EPHA3: variants seen among roughly 807,000 people sequenced by gnomAD.
EPHA3 encodes the protein EPH receptor A3.
Under a neutral mutation model 107.1 loss-of-function variants are expected in EPHA3, and 42 were observed. The observed-to-expected ratio is 0.39, with a 90% CI of 0.31 to 0.51. The LOEUF (loss-of-function observed/expected upper bound fraction) is 0.51, where lower values mean the gene tolerates loss of function less well. Among genes scored for constraint, EPHA3 ranks in the 20% least tolerant of loss-of-function variants. The pLI is 0.78. For missense variants in EPHA3, 1,183 were observed against 1,211.2 expected (o/e 0.98, Z 0.35); for synonymous variants, 461 against 424.8 (o/e 1.09, Z -1.05).
At chr3:89,430,209 C>T (rs1709540445) in intron 12 of EPHA3, among the ~76,000 whole-genome samples, 1 of 151,866 alleles carries the variant, frequency 6.6e-6, no homozygotes, top group African/African-American at 2.4e-5. Context: ...AGACATAGGC[C>T]CTGTCCTCAA....
At chr3:89,325,433 C>T (rs1707142860) in intron 3 of EPHA3, among the ~76,000 whole-genome samples, 1 of 152,092 alleles carries the variant, frequency 6.6e-6, no homozygotes, top group South Asian at 2.1e-4. Flanking sequence ...TTATGGTGTA[C>T]CTCATGCGTG....
chr3:89,123,390 G>A (rs11928901), intron 1 of EPHA3, among the ~76,000 whole-genome samples: 18,945 of 152,052 alleles, frequency 0.12, 1,224 homozygotes, highest in Middle Eastern at 0.18. Flanking sequence ...TGATCCACTT[G>A]CCTTGGCCTC....
intron 5 of EPHA3, among the ~76,000 whole-genome samples, chr3:89,361,929 A>G (rs1305394271): frequency 4.0e-5 from 6 of 151,156 alleles, no homozygotes; most frequent in East Asian, 1.9e-4. Context: ...CAATATTTTT[A>G]TATGTATTTT....
intron 3 of EPHA3, among the ~76,000 whole-genome samples, chr3:89,292,001 T>G (rs1706218068): frequency 6.6e-6 from 1 of 152,204 alleles, no homozygotes; most frequent in Non-Finnish European, 1.5e-5. Flanking sequence ...CATGCTCCAG[T>G]GCCCAATGAA....
intron 3 of EPHA3, among the ~76,000 whole-genome samples, chr3:89,271,810 A>G (rs1313074749): frequency 6.6e-6 from 1 of 151,944 alleles, no homozygotes; most frequent in Non-Finnish European, 1.5e-5. Context: ...AGTCACTTTT[A>G]TACTGGGCCC....
At chr3:89,471,200 A>G (rs1255732232) in intron 15 of EPHA3, among the ~76,000 whole-genome samples, 1 of 151,590 alleles carries the variant, frequency 6.6e-6, no homozygotes, top group Non-Finnish European at 1.5e-5. Flanking sequence ...CACCAAAGAC[A>G]TTTCACCAAC....
At chr3:89,115,209 A>G (rs748103649) in intron 1 of EPHA3, among the ~76,000 whole-genome samples, 1 of 150,854 alleles carries the variant, frequency 6.6e-6, no homozygotes, top group Non-Finnish European at 1.5e-5. Context: ...TTGGGCATTC[A>G]ACTCTTTTGG....
chr3:89,366,458 A>T lies in EPHA3; in HGVS notation c.1306+24368A>T, dbSNP rs1330111533. Among the ~76,000 whole-genome samples the T allele has an allele frequency of 1.3e-5, 2 of 150,888 alleles. 1 individual carries two copies. Among genetic ancestry groups the T allele is most frequent in the Non-Finnish European group, 3.0e-5 (2 of 67,322 alleles). ...TTAGAATTGATGAAATTAAGGCAAA[A>T]AACAGGTATTCTATGCGGGTGGTTG... is the stretch of plus-strand genomic sequence containing the variant. On this transcript the variant is annotated intron_variant, in intron 5 of 16. Transcript: ENST00000336596.
intron 12 of EPHA3, 140 bp from the exon 13 acceptor site, chr3:89,431,010 A>G (rs1709556127): frequency 1.4e-6 from 1 of 731,310 alleles, no homozygotes; most frequent in African/African-American, 1.8e-5. Flanking sequence ...TTTGCCACAT[A>G]TCTTTGTCTT....
chr3:89,235,353 C>T (rs1234844517), intron 3 of EPHA3, among the ~76,000 whole-genome samples: 2 of 152,110 alleles, frequency 1.3e-5, no homozygotes, highest in Non-Finnish European at 2.9e-5. Flanking sequence ...AAAATGATTT[C>T]TAATAACAAT....
intron 5 of EPHA3, among the ~76,000 whole-genome samples, chr3:89,354,082 T>TC (rs1707892987): frequency 6.6e-6 from 1 of 151,188 alleles, no homozygotes; most frequent in African/African-American, 2.4e-5. Context: ...TTAACTATAT[T>TC]CCCCCAAGGG....
chr3:89,113,493 A>AAAAG (rs1707168629), intron 1 of EPHA3, among the ~76,000 whole-genome samples: 2 of 139,946 alleles, frequency 1.4e-5, no homozygotes, highest in Non-Finnish European at 3.0e-5. Flanking sequence ...TACAAAAAAA[A>AAAAG]AAAAAAAAAA....
chr3:89,187,660 G>A (rs1559591386), intron 2 of EPHA3, among the ~76,000 whole-genome samples: 2 of 152,130 alleles, frequency 1.3e-5, no homozygotes, highest in South Asian at 2.1e-4. Flanking sequence ...AAATTTAACT[G>A]GTAAATACTG....
chr3:89,467,437 G>A (rs534553214), intron 15 of EPHA3, among the ~76,000 whole-genome samples: 2 of 152,234 alleles, frequency 1.3e-5, no homozygotes, highest in African/African-American at 4.8e-5. Context: ...ATTCATTCAA[G>A]AAATGTGTAT....
intron 15 of EPHA3, among the ~76,000 whole-genome samples, chr3:89,456,285 C>A (rs1710096150): frequency 6.6e-6 from 1 of 152,114 alleles, no homozygotes; most frequent in South Asian, 2.1e-4. Flanking sequence ...TGGTACAAAG[C>A]ATTCAAGTTT....
At chr3:89,269,234 C>A (rs142629062) in intron 3 of EPHA3, among the ~76,000 whole-genome samples, 1 of 152,004 alleles carries the variant, frequency 6.6e-6, no homozygotes, top group Non-Finnish European at 1.5e-5. Flanking sequence ...TACAGAGAGA[C>A]TGAGGCACAG....
At chr3:89,208,462 G>GAAAGAAAGAAAGAA (rs1553664804) in intron 2 of EPHA3, among the ~76,000 whole-genome samples, 1,322 of 104,364 alleles carry the variant, frequency 0.013, 94 homozygotes, top group African/African-American at 0.037. Context: ...AAGAAAGAAA[G>GAAAGAAAGAAAGAA]AAAGAAAGAA....
intron 9 of EPHA3, among the ~76,000 whole-genome samples, chr3:89,409,664 A>G (rs1048260883): frequency 2.0e-5 from 3 of 152,078 alleles, no homozygotes; most frequent in African/African-American, 7.2e-5. Flanking sequence ...AAAGTAACTT[A>G]TATGCATGTC....
intron 1 of EPHA3, among the ~76,000 whole-genome samples, chr3:89,117,586 T>C: frequency 6.6e-6 from 1 of 152,092 alleles, no homozygotes; most frequent in East Asian, 1.9e-4. Flanking sequence ...GAAAAGTCTA[T>C]TTGCAGCACT....
Sources: allele counts gnomAD v4.1 joint callset (sites outside exome capture counted in the v4.1 genomes callset), GRCh38; gene constraint gnomAD v4.1.1; transcripts MANE v1.5; gene names NCBI Gene and HGNC (gene_info 2026-07-23, HGNC 2026-07-21).